The following SHISA9 variants were observed in gnomAD, a reference collection of about 807,000 sequenced individuals.
SHISA9 encodes the protein shisa family member 9, also known as protein shisa-9.
In SHISA9, 13 loss-of-function variants were observed where a neutral mutation model predicts 38.0. The ratio of observed to expected loss-of-function variants is 0.34; its 90% CI spans 0.22 to 0.54. The LOEUF is 0.54. SHISA9 is among the 20% of genes least tolerant of loss of function. The probability of loss-of-function intolerance (pLI) is 0.91; values close to 1 mark genes in which losing one functional copy is unlikely to be tolerated. For missense variants in SHISA9, 538 were observed against 575.8 expected (o/e 0.93, Z 0.67); for synonymous variants, 275 against 242.0 (o/e 1.14, Z -1.27).
Position 13,113,071 on chromosome 16 carries a change from G to A in SHISA9, c.692-90323G>A, listed in dbSNP as rs754057842. Reference sequence around the variant, plus strand: ...TTAAAAATACAAAAATTAGCCAGGCGTGGTGGTACATGCCTGTAATCCCAG... The same window carrying A: ...TTAAAAATACAAAAATTAGCCAGGCATGGTGGTACATGCCTGTAATCCCAG... On this transcript the variant is annotated intron_variant, in intron 2 of 4. Transcript: ENST00000558583. Among the ~76,000 whole-genome samples the A allele has an allele frequency of 5.9e-5, 9 of 151,956 alleles. No individual in the cohort carries two copies. In the South Asian group the frequency reaches 8.4e-4, roughly 14 times the overall value.
chr16:13,151,266 C>A (rs2050496878), intron 2 of SHISA9, among the ~76,000 whole-genome samples: 1 of 152,296 alleles, frequency 6.6e-6, no homozygotes, highest in East Asian at 1.9e-4. Flanking sequence ...GCCACCACAC[C>A]TGGCTAATTT....
intron 2 of SHISA9, among the ~76,000 whole-genome samples, chr16:13,015,839 T>TCTTTCTTTCTTTCC (rs2072736822): frequency 6.8e-6 from 1 of 146,670 alleles, no homozygotes; most frequent in Non-Finnish European, 1.5e-5. Flanking sequence ...CTCTCTCTTT[T>TCTTTCTTTCTTTCC]CTTTCTTTCT....
At chr16:13,483,432 C>T in the SHISA9 span, among the ~76,000 whole-genome samples, 1 of 152,138 alleles carries the variant, frequency 6.6e-6, no homozygotes, top group Non-Finnish European at 1.5e-5. Flanking sequence ...TAAAAACATA[C>T]AAGGGAGCAG....
the SHISA9 span, among the ~76,000 whole-genome samples, chr16:13,540,228 C>A: frequency 6.6e-6 from 1 of 151,262 alleles, no homozygotes; most frequent in Admixed American, 6.6e-5. Flanking sequence ...CACACATAAA[C>A]CTCCTATAGC....
At chr16:13,157,864 G>A (rs2050560931) in intron 2 of SHISA9, among the ~76,000 whole-genome samples, 1 of 152,088 alleles carries the variant, frequency 6.6e-6, no homozygotes, top group Non-Finnish European at 1.5e-5. Flanking sequence ...CTGAGAGGAG[G>A]GCTTCATAAA....
intron 2 of SHISA9, among the ~76,000 whole-genome samples, chr16:12,934,637 T>C (rs1596537267): frequency 6.6e-6 from 1 of 152,300 alleles, no homozygotes; most frequent in East Asian, 1.9e-4. Flanking sequence ...ATACATTTTG[T>C]TTTCAGGCAG....
At chr16:13,222,040 C>A (rs2051231175) in intron 4 of SHISA9, among the ~76,000 whole-genome samples, 1 of 152,126 alleles carries the variant, frequency 6.6e-6, no homozygotes, top group South Asian at 2.1e-4. Flanking sequence ...CAAGGGGAAG[C>A]AAAACACGTC....
In SHISA9 at chr16:13,212,751, G is replaced by A. The variant is rs1450743504; in HGVS notation, c.848-502G>A. On this transcript the variant is annotated intron_variant, in intron 3 of 4. Coordinates refer to ENST00000558583, the MANE Select transcript of SHISA9 (RefSeq NM_001145204.3). ...CCCACCCCATGGGGCCTGTCACCCA[G>A]CATTTAAAGTCGCAGTCAGTAGAGC... Among the ~76,000 whole-genome samples the A allele has an allele frequency of 2.6e-5, 4 of 152,316 alleles. No homozygotes were observed. In the South Asian group the frequency reaches 8.3e-4, roughly 32 times the overall value.
chr16:13,501,048 G>C, the SHISA9 span, among the ~76,000 whole-genome samples: 1 of 152,180 alleles, frequency 6.6e-6, no homozygotes, highest in African/African-American at 2.4e-5. Flanking sequence ...ATTGACAGTA[G>C]AGAGTGCTCA....
the SHISA9 span, among the ~76,000 whole-genome samples, chr16:13,261,405 A>G: frequency 1.3e-5 from 2 of 152,168 alleles, no homozygotes; most frequent in Non-Finnish European, 2.9e-5. Flanking sequence ...TGATGTTGAC[A>G]GCACTCACAT....
chr16:13,498,578 A>G, the SHISA9 span, among the ~76,000 whole-genome samples: 1 of 152,078 alleles, frequency 6.6e-6, no homozygotes, highest in African/African-American at 2.4e-5. Context: ...CCGACACGGT[A>G]AAACCCCATC....
intron 1 of SHISA9, among the ~76,000 whole-genome samples, chr16:12,915,209 C>G (rs1359089157): frequency 1.3e-5 from 2 of 152,128 alleles, no homozygotes; most frequent in African/African-American, 2.4e-5. Context: ...GCTTGTAATC[C>G]CAACACTTTG....
chr16:13,096,780 C>A (rs2073832538), intron 2 of SHISA9, among the ~76,000 whole-genome samples: 1 of 152,124 alleles, frequency 6.6e-6, no homozygotes, highest in Non-Finnish European at 1.5e-5. Flanking sequence ...TCGTGAACAT[C>A]TAAAGCTTGT....
the SHISA9 span, among the ~76,000 whole-genome samples, chr16:13,369,799 A>G: frequency 3.9e-5 from 6 of 152,184 alleles, no homozygotes; most frequent in Admixed American, 2.6e-4. Context: ...CTGAGCTCAC[A>G]GGGGCTAGCC....
the SHISA9 span, among the ~76,000 whole-genome samples, chr16:13,493,797 C>A: frequency 6.6e-6 from 1 of 152,108 alleles, no homozygotes; most frequent in African/African-American, 2.4e-5. Flanking sequence ...AAGTGCTTTG[C>A]CTGGCATATT....
At chr16:13,127,341 G>T (rs2050270032) in intron 2 of SHISA9, among the ~76,000 whole-genome samples, 1 of 141,272 alleles carries the variant, frequency 7.1e-6, no homozygotes, top group Non-Finnish European at 1.6e-5. Flanking sequence ...GGGTGAGAGA[G>T]TGAGGGAGGG....
chr16:13,037,833 A>T (rs1373499997), intron 2 of SHISA9, among the ~76,000 whole-genome samples: 1 of 152,164 alleles, frequency 6.6e-6, no homozygotes, highest in Non-Finnish European at 1.5e-5. Flanking sequence ...CCTAATGTAA[A>T]GTTCTTTATA....
chr16:13,494,107 AG>A, the SHISA9 span, among the ~76,000 whole-genome samples: 1 of 152,244 alleles, frequency 6.6e-6, no homozygotes, highest in Non-Finnish European at 1.5e-5. Context: ...AAATAGTGGT[AG>A]GAACAGTGTA....
At chr16:13,209,906 C>A (rs148645610) in intron 3 of SHISA9, among the ~76,000 whole-genome samples, 2,997 of 152,286 alleles carry the variant, frequency 0.02, 47 homozygotes, top group Non-Finnish European at 0.03. Flanking sequence ...CGAGACCATC[C>A]TGGTTAACCC....
Sources: gnomAD v4.1 joint callset for allele counts (sites outside exome capture counted in the v4.1 genomes callset) on GRCh38, gnomAD v4.1.1 for gene constraint, MANE v1.5 for transcripts, NCBI Gene and HGNC (gene_info 2026-07-23, HGNC 2026-07-21) for gene names.